Variants in PCDH11Y observed in about 807,000 individuals in gnomAD.
PCDH11Y encodes the protein protocadherin-11 Y-linked.
For missense variants in PCDH11Y, 12 were observed against 224.8 expected, an observed-to-expected ratio of 0.05 and a Z score of 6.05; for synonymous variants, 9 against 83.6, an observed-to-expected ratio of 0.11 and a Z score of 4.87.
intron 4 of PCDH11Y, among the ~76,000 whole-genome samples, chrY:5,674,038 C>T: frequency 3.1e-5 from 1 of 32,725 alleles, no homozygotes. Flanking sequence ...TCACTTTCTT[C>T]TTGGCATGCC....
intron 3 of PCDH11Y, among the ~76,000 whole-genome samples, chrY:5,519,259 G>A (rs1602937194): frequency 6.4e-5 from 2 of 31,382 alleles, no homozygotes; most frequent in East Asian, 8.7e-4. Flanking sequence ...GCGTGGTGGC[G>A]GGCGCCTGTA....
At chrY:5,521,063 G>A in intron 3 of PCDH11Y, among the ~76,000 whole-genome samples, 2 of 33,056 alleles carry the variant, frequency 6.1e-5, no homozygotes, top group African/African-American at 1.2e-4. Flanking sequence ...TAAGCTGCCT[G>A]ACAAAAAGGG....
At chrY:5,374,854 G>A in intron 2 of PCDH11Y, among the ~76,000 whole-genome samples, 4 of 32,940 alleles carry the variant, frequency 1.2e-4, no homozygotes, top group African/African-American at 4.7e-4. Flanking sequence ...TTTACTTACT[G>A]TGAGGTTTTC....
At chrY:5,479,296 T>C in intron 2 of PCDH11Y, among the ~76,000 whole-genome samples, 1 of 33,533 alleles carries the variant, frequency 3.0e-5, no homozygotes, top group Non-Finnish European at 7.4e-5. Context: ...TTTTGAAGCT[T>C]AGTTTGGCTG....
intron 2 of PCDH11Y, among the ~76,000 whole-genome samples, chrY:5,181,332 C>A (rs2052899923): frequency 3.2e-5 from 1 of 31,677 alleles, no homozygotes; most frequent in Non-Finnish European, 7.7e-5. Context: ...TGGCCTTTCT[C>A]TCTAGCTGCC....
chrY:5,482,594 ACTAT>A (rs2053328348), intron 2 of PCDH11Y, among the ~76,000 whole-genome samples: 5 of 33,184 alleles, frequency 1.5e-4, no homozygotes, highest in Non-Finnish European at 7.4e-5. Context: ...ATTTGCATGG[ACTAT>A]CTGTTTTCAC....
chrY:5,652,063 G>A (rs2053531795), intron 4 of PCDH11Y, among the ~76,000 whole-genome samples: 1 of 33,145 alleles, frequency 3.0e-5, no homozygotes, highest in Non-Finnish European at 7.4e-5. Flanking sequence ...GCTAGGAGGA[G>A]CTAGTCATGT....
intron 2 of PCDH11Y, among the ~76,000 whole-genome samples, chrY:5,371,692 G>A (rs2053187342): frequency 3.1e-5 from 1 of 32,760 alleles, no homozygotes; most frequent in Admixed American, 2.8e-4. Context: ...GAGGTCAGGA[G>A]TTCGAGACCA....
chrY:5,536,094 AT>A (rs2053400129), intron 3 of PCDH11Y, among the ~76,000 whole-genome samples: 2 of 31,288 alleles, frequency 6.4e-5, no homozygotes, highest in Non-Finnish European at 7.7e-5. Flanking sequence ...CCTGCTAATT[AT>A]TTTTGTATTT....
chrY:5,037,555 C>T, intron 3 of PCDH11Y: 2 of 116,854 alleles, frequency 1.7e-5, no homozygotes, highest in African/African-American at 1.0e-4. Flanking sequence ...GGTAATAGAG[C>T]GAGACTCAGT....
chrY:5,118,069 A>G, intron 2 of PCDH11Y, among the ~76,000 whole-genome samples: 1 of 32,403 alleles, frequency 3.1e-5, no homozygotes, highest in Non-Finnish European at 7.4e-5. Flanking sequence ...ACATGTATGT[A>G]ATACACATAC....
intron 2 of PCDH11Y, among the ~76,000 whole-genome samples, chrY:5,327,168 C>G: frequency 3.0e-5 from 1 of 33,433 alleles, no homozygotes; most frequent in Non-Finnish European, 7.4e-5. Context: ...TGTGGCAGTA[C>G]AGCCCAGGTA....
intron 2 of PCDH11Y, among the ~76,000 whole-genome samples, chrY:5,444,191 T>C (rs2053285198): frequency 3.1e-5 from 1 of 31,951 alleles, no homozygotes; most frequent in African/African-American, 1.2e-4. Flanking sequence ...GTGATTATTA[T>C]GCATTATATG....
At chrY:5,589,202 C>T (rs2053458463) in intron 4 of PCDH11Y, among the ~76,000 whole-genome samples, 1 of 32,634 alleles carries the variant, frequency 3.1e-5, no homozygotes, top group Non-Finnish European at 7.5e-5. Flanking sequence ...GGTTGTGGGA[C>T]GGACCCAGAG....
At chrY:5,191,127 C>A (rs2052911809) in intron 2 of PCDH11Y, among the ~76,000 whole-genome samples, 2 of 27,098 alleles carry the variant, frequency 7.4e-5, no homozygotes, top group African/African-American at 2.9e-4. Context: ...TGGACACAGG[C>A]AGGGGAACAT....
At chrY:5,150,862 A>G in intron 2 of PCDH11Y, among the ~76,000 whole-genome samples, 1 of 33,441 alleles carries the variant, frequency 3.0e-5, no homozygotes. Flanking sequence ...TAATAACTAT[A>G]TGATATAGAT....
chrY:5,732,567 TTGTGTG>T (rs759694978), intron 4 of PCDH11Y, among the ~76,000 whole-genome samples: 1 of 28,165 alleles, frequency 3.6e-5, no homozygotes, highest in South Asian at 7.3e-4. Flanking sequence ...GTTGTTGTTG[TTGTGTG>T]TGTGTGTGTG....
intron 2 of PCDH11Y, among the ~76,000 whole-genome samples, chrY:5,273,169 A>G (rs2053039299): frequency 2.9e-5 from 1 of 34,145 alleles, no homozygotes. Flanking sequence ...CTGAATTTTA[A>G]TAAATGATTT....
intron 3 of PCDH11Y, among the ~76,000 whole-genome samples, chrY:5,531,957 T>C (rs2124691567): frequency 7.3e-5 from 2 of 27,307 alleles, no homozygotes; most frequent in African/African-American, 1.4e-4. Flanking sequence ...TTTGATTGTA[T>C]TTGCTGTTCT....
Sources: allele counts gnomAD v4.1 joint callset (sites outside exome capture counted in the v4.1 genomes callset), GRCh38; gene constraint gnomAD v4.1.1; transcripts MANE v1.5; gene names NCBI Gene and HGNC (gene_info 2026-07-23, HGNC 2026-07-21).